Variants in PRKN observed in about 807,000 individuals in gnomAD.
PRKN encodes E3 ubiquitin-protein ligase parkin.
PRKN carries 56 observed loss-of-function variants against 59.5 expected under a neutral mutation model. The observed-to-expected ratio is 0.94, with a 90% confidence interval of 0.76 to 1.18. The LOEUF is 1.18. Among genes scored for constraint, PRKN ranks in the 50% most tolerant of loss-of-function variants. The pLI is 0.00. For missense variants in PRKN, 657 were observed against 596.4 expected (o/e 1.10, Z -1.06); for synonymous variants, 250 against 222.1 (o/e 1.13, Z -1.12).
intron 7 of PRKN, among the ~76,000 whole-genome samples, chr6:161,703,665 A>C (rs1198836841): frequency 6.6e-6 from 1 of 151,988 alleles, no homozygotes; most frequent in African/African-American, 2.4e-5. Flanking sequence ...TTGTTTAATA[A>C]ACATTGTAAT....
intron 9 of PRKN, among the ~76,000 whole-genome samples, chr6:161,541,808 G>A (rs769062394): frequency 2.6e-5 from 4 of 151,494 alleles, no homozygotes; most frequent in Non-Finnish European, 5.9e-5. Context: ...GTGACAGAGC[G>A]AGACTCCGTC....
intron 7 of PRKN, among the ~76,000 whole-genome samples, chr6:161,733,959 T>TACACAC (rs10597403): frequency 1.6e-4 from 22 of 133,652 alleles, no homozygotes; most frequent in Middle Eastern, 3.8e-3. Flanking sequence ...AAAATTCATT[T>TACACAC]ACACACACAC....
intron 4 of PRKN, among the ~76,000 whole-genome samples, chr6:162,098,016 C>A (rs1357062539): frequency 1.2e-4 from 18 of 152,160 alleles, no homozygotes; most frequent in Non-Finnish European, 1.5e-5. Context: ...GCACAACACT[C>A]CCTGAGGACA....
At chr6:162,589,939 C>T (rs1781233253) in intron 1 of PRKN, among the ~76,000 whole-genome samples, 1 of 152,192 alleles carries the variant, frequency 6.6e-6, no homozygotes, top group African/African-American at 2.4e-5. Flanking sequence ...TAAGTAAGCA[C>T]TTTAAAAACT....
At chr6:162,326,767 C>T (rs567041346) in intron 2 of PRKN, among the ~76,000 whole-genome samples, 39 of 152,232 alleles carry the variant, frequency 2.6e-4, no homozygotes, top group Middle Eastern at 3.4e-3. Context: ...AAGAAAATAA[C>T]ACTAGCATAG....
In PRKN at chr6:161,566,371, G is replaced by C. The variant is rs780177677; in HGVS notation, c.933+2984C>G. Among the ~76,000 whole-genome samples the C allele has an allele frequency of 6.6e-6, 1 of 152,080 alleles. No homozygotes were observed. Among genetic ancestry groups the C allele is most frequent in the African/African-American group, 2.4e-5 (1 of 41,408 alleles). Reference sequence around the variant, plus strand: ...AGATGCCTTCTTCCTTTGGCTCCCAGGTCATGATACCTGCCTGGATTTTTT... The same window carrying C: ...AGATGCCTTCTTCCTTTGGCTCCCACGTCATGATACCTGCCTGGATTTTTT... On this transcript the variant is annotated intron_variant, in intron 8 of 11. Transcript: ENST00000366898. This position sits in a 1 kb window ranked among gnomAD's most constrained non-coding sequence, Gnocchi z 4.1.
chr6:161,683,011 C>A (rs1329215166), intron 7 of PRKN, among the ~76,000 whole-genome samples: 1 of 152,194 alleles, frequency 6.6e-6, no homozygotes, highest in Non-Finnish European at 1.5e-5. Context: ...GGGCTCCTCA[C>A]ATTTTTCTTT....
chr6:161,881,568 T>C (rs1195887910), intron 6 of PRKN, among the ~76,000 whole-genome samples: 1 of 152,080 alleles, frequency 6.6e-6, no homozygotes. Flanking sequence ...GGGAAGAGCG[T>C]TGCAAATACG....
chr6:162,212,471 G>C (rs781482145), intron 3 of PRKN, among the ~76,000 whole-genome samples: 1 of 152,076 alleles, frequency 6.6e-6, no homozygotes, highest in Non-Finnish European at 1.5e-5. Flanking sequence ...AAAGTTGCTC[G>C]GCCTGTGCTA....
intron 2 of PRKN, among the ~76,000 whole-genome samples, chr6:162,318,329 C>A (rs1468794817): frequency 1.3e-5 from 2 of 152,012 alleles, no homozygotes; most frequent in Non-Finnish European, 2.9e-5. Context: ...GTGAAGCCAA[C>A]AAAGGGCCTC....
intron 7 of PRKN, among the ~76,000 whole-genome samples, chr6:161,648,348 T>C (rs1784034212): frequency 6.6e-6 from 1 of 152,220 alleles, no homozygotes; most frequent in Admixed American, 6.5e-5. Flanking sequence ...ATATCCCTTC[T>C]GCCCATTATC....
chr6:161,991,656 AC>A lies in PRKN; in HGVS notation c.619-18240del, dbSNP rs1583450637. ...CACGAGTTTGAGACCAGCCTGCCCAACACAGTGAAAGTCCATCTCTACTAAA... is the reference window on the plus strand; with the variant it reads ...CACGAGTTTGAGACCAGCCTGCCCAAACAGTGAAAGTCCATCTCTACTAAA... On this transcript the variant is annotated intron_variant, in intron 5 of 11. Coordinates refer to ENST00000366898, the MANE Select transcript of PRKN (RefSeq NM_004562.3). Among the ~76,000 whole-genome samples the A allele has an allele frequency of 2.0e-5, 3 of 152,182 alleles. No individual in the cohort carries two copies. The East Asian group carries it at 5.8e-4, about 30-fold the overall frequency.
intron 6 of PRKN, among the ~76,000 whole-genome samples, chr6:161,883,544 CACAA>C (rs1379495752): frequency 1.3e-5 from 2 of 152,090 alleles, no homozygotes; most frequent in Non-Finnish European, 2.9e-5. Context: ...ACATCTGAAA[CACAA>C]CACTGCAGAC....
At chr6:162,118,886 C>A (rs573868420) in intron 4 of PRKN, among the ~76,000 whole-genome samples, 2 of 152,304 alleles carry the variant, frequency 1.3e-5, no homozygotes, top group South Asian at 2.1e-4. Context: ...CTAGAGCACA[C>A]ATAGACTTGC....
rs1288732536 is a variant in PRKN, at chr6:161,530,402, C to T, written c.1083+18452G>A. ...AGGTACCCTGGTTTGAAAAATCATA[C>T]TTTTAGAAGAAATTGCCCTTTCCAT... On this transcript the variant is annotated intron_variant, in intron 9 of 11. Coordinates refer to ENST00000366898, the MANE Select transcript of PRKN (RefSeq NM_004562.3). This position sits in a 1 kb window ranked among gnomAD's most constrained non-coding sequence, Gnocchi z 5.0. Among the ~76,000 whole-genome samples the T allele has an allele frequency of 1.3e-5, 2 of 152,170 alleles. No individual in the cohort carries two copies. Among genetic ancestry groups the T allele is most frequent in the Non-Finnish European group, 2.9e-5 (2 of 68,030 alleles).
At chr6:161,787,371 T>C (rs1487485209) in intron 6 of PRKN, among the ~76,000 whole-genome samples, 1 of 152,192 alleles carries the variant, frequency 6.6e-6, no homozygotes, top group Non-Finnish European at 1.5e-5. Flanking sequence ...CTTTCCCCTC[T>C]TGGAACCTAT....
chr6:162,312,476 C>A (rs1782559114), intron 2 of PRKN, among the ~76,000 whole-genome samples: 1 of 152,154 alleles, frequency 6.6e-6, no homozygotes, highest in Admixed American at 6.5e-5. Context: ...TCTACTCCAT[C>A]ACCCCAGTCA....
chr6:161,813,017 C>A (rs1248339838), intron 6 of PRKN, among the ~76,000 whole-genome samples: 4 of 152,128 alleles, frequency 2.6e-5, no homozygotes, highest in Non-Finnish European at 5.9e-5. Flanking sequence ...GGACATGGAA[C>A]CAGAAGTTTT....
chr6:161,866,749 C>G (rs1197739067), intron 6 of PRKN, among the ~76,000 whole-genome samples: 1 of 152,110 alleles, frequency 6.6e-6, no homozygotes, highest in Non-Finnish European at 1.5e-5. Context: ...GGCAATAAAA[C>G]CAGGTGTGCC....
Sources: allele counts gnomAD v4.1 joint callset (sites outside exome capture counted in the v4.1 genomes callset), GRCh38; gene constraint gnomAD v4.1.1; non-coding constraint Gnocchi (gnomAD v3.1); transcripts MANE v1.5; gene names NCBI Gene and HGNC (gene_info 2026-07-23, HGNC 2026-07-21).